The following DSCAM variants were observed in gnomAD, a reference collection of about 807,000 sequenced individuals.
The protein encoded by DSCAM is cell adhesion molecule DSCAM.
DSCAM carries 47 observed loss-of-function variants against 217.7 expected under a neutral mutation model. The observed-to-expected ratio is 0.22, with a 90% CI of 0.17 to 0.28. The LOEUF is 0.28. DSCAM is among the 10% of genes least tolerant of loss of function. DSCAM has a pLI of 1.00. For synonymous variants in DSCAM, 1,056 were observed against 1,015.3 expected (o/e 1.04, Z -0.76); for missense variants, 2,080 against 2,618.3 (o/e 0.79, Z 4.49).
chr21:40,293,447 C>T (rs1017502348), intron 10 of DSCAM, among the ~76,000 whole-genome samples: 2 of 152,140 alleles, frequency 1.3e-5, no homozygotes, highest in African/African-American at 4.8e-5. Flanking sequence ...ATGACTTAGC[C>T]AAGCCAACAA....
At chr21:40,754,205 T>A (rs1026764866) in intron 1 of DSCAM, among the ~76,000 whole-genome samples, 13 of 152,202 alleles carry the variant, frequency 8.5e-5, no homozygotes, top group African/African-American at 3.1e-4. Context: ...CCTGATTTTA[T>A]CAGCACCTGC....
intron 3 of DSCAM, among the ~76,000 whole-genome samples, chr21:40,396,081 G>A (rs1360241959): frequency 2.6e-5 from 4 of 152,150 alleles, no homozygotes; most frequent in Admixed American, 2.0e-4. Flanking sequence ...CTGAACCGCC[G>A]ACAGGGTTCC....
chr21:40,288,165 C>T (rs878862755), intron 10 of DSCAM, among the ~76,000 whole-genome samples: 3 of 152,102 alleles, frequency 2.0e-5, no homozygotes, highest in Admixed American at 6.5e-5. Flanking sequence ...GACCCCTTTC[C>T]GCCCAGAAAA....
chr21:40,338,156 G>A lies in DSCAM; in HGVS notation c.1728C>T (p.Asn576=), dbSNP rs139863593. The change falls in exon 8 of 33, where the codon AAC becomes AAT. Residue 576 remains asparagine (N), a synonymous_variant. Transcript: ENST00000400454. ...TGGAGAGTTGTGGTTGAACCAACAC[G>A]TTGCACGTGTACTCCCCCTCGTCCA... The part of the protein sequence containing the change: ...KEVDEGEYTC[N]VLVQPQLSTS... 9,708 of 1,614,238 alleles carry A rather than the reference G, an allele frequency of 6.0e-3. 49 individuals are homozygous for A. Among genetic ancestry groups the A allele is most frequent in the Non-Finnish European group, 7.2e-3 (8,523 of 1,180,042 alleles).
chr21:40,703,120 A>G (rs2090675320), intron 2 of DSCAM, among the ~76,000 whole-genome samples: 1 of 151,946 alleles, frequency 6.6e-6, no homozygotes, highest in Non-Finnish European at 1.5e-5. Context: ...ATCAGGTGTC[A>G]TTTTTTTCTT....
At chr21:40,600,422 C>T (rs909174639) in intron 3 of DSCAM, among the ~76,000 whole-genome samples, 33 of 152,174 alleles carry the variant, frequency 2.2e-4, no homozygotes, top group Admixed American at 1.8e-3. Flanking sequence ...GCACTAATCT[C>T]ATTCACGAGG....
intron 8 of DSCAM, among the ~76,000 whole-genome samples, chr21:40,323,901 T>C (rs113565558): frequency 9.9e-4 from 151 of 151,804 alleles, no homozygotes; most frequent in African/African-American, 3.4e-3. Context: ...GTCAGGAGTT[T>C]GAGGCCAGCC....
At chr21:40,528,687 C>T (rs530240957) in intron 3 of DSCAM, among the ~76,000 whole-genome samples, 21 of 152,146 alleles carry the variant, frequency 1.4e-4, no homozygotes, top group South Asian at 6.2e-4. Flanking sequence ...TGGCTTTATA[C>T]GTCCCTACTC....
chr21:40,373,680 C>T (rs2074921815), intron 3 of DSCAM, among the ~76,000 whole-genome samples: 1 of 152,196 alleles, frequency 6.6e-6, no homozygotes, highest in Admixed American at 6.5e-5. Flanking sequence ...TCTCAGCTAA[C>T]TTTTTCTTGT....
At chr21:40,694,328 G>T (rs901555634) in intron 2 of DSCAM, among the ~76,000 whole-genome samples, 3 of 152,070 alleles carry the variant, frequency 2.0e-5, no homozygotes, top group Non-Finnish European at 4.4e-5. Flanking sequence ...CTCACTTAAA[G>T]AATTAATCAC....
intron 3 of DSCAM, among the ~76,000 whole-genome samples, chr21:40,415,064 A>C (rs2075358073): frequency 6.6e-6 from 1 of 152,218 alleles, no homozygotes; most frequent in African/African-American, 2.4e-5. Context: ...AGGAAGAAAA[A>C]GCCTGAGAAA....
At chr21:40,508,497 T>C (rs377595403) in intron 3 of DSCAM, among the ~76,000 whole-genome samples, 72 of 152,128 alleles carry the variant, frequency 4.7e-4, no homozygotes, top group African/African-American at 1.7e-3. Flanking sequence ...ATTAAAAATG[T>C]TAACTAAACA....
chr21:40,481,353 G>C (rs1438632884), intron 3 of DSCAM, among the ~76,000 whole-genome samples: 1 of 151,932 alleles, frequency 6.6e-6, no homozygotes, highest in Non-Finnish European at 1.5e-5. Context: ...AGCCAGGCAT[G>C]GTGGCGGGTG....
At chr21:40,723,502 C>T (rs2090924167) in intron 1 of DSCAM, among the ~76,000 whole-genome samples, 1 of 152,140 alleles carries the variant, frequency 6.6e-6, no homozygotes, top group East Asian at 1.9e-4. Context: ...CATGTGCACC[C>T]CACTCCATTG....
intron 3 of DSCAM, among the ~76,000 whole-genome samples, chr21:40,443,579 A>T (rs1334722438): frequency 6.6e-6 from 1 of 152,238 alleles, no homozygotes; most frequent in Non-Finnish European, 1.5e-5. Context: ...CTAGGTTTAT[A>T]TCATCACTTG....
chr21:40,693,496 G>A (rs1476459166), intron 2 of DSCAM, among the ~76,000 whole-genome samples: 1 of 152,122 alleles, frequency 6.6e-6, no homozygotes, highest in East Asian at 1.9e-4. Context: ...GGTATCATGA[G>A]ATAGGAAATA....
At chr21:40,454,901 G>A (rs551311193) in intron 3 of DSCAM, among the ~76,000 whole-genome samples, 18 of 152,332 alleles carry the variant, frequency 1.2e-4, no homozygotes, top group African/African-American at 4.3e-4. Context: ...AAGAATGGGT[G>A]AGGCAGAGGT....
At chr21:40,498,074 C>T (rs2076133684) in intron 3 of DSCAM, among the ~76,000 whole-genome samples, 1 of 152,164 alleles carries the variant, frequency 6.6e-6, no homozygotes, top group Non-Finnish European at 1.5e-5. Flanking sequence ...CTGCACATGT[C>T]ATAACCTTTC....
chr21:40,191,012 C>T (rs2090947706), intron 11 of DSCAM, among the ~76,000 whole-genome samples: 2 of 152,024 alleles, frequency 1.3e-5, no homozygotes, highest in Non-Finnish European at 2.9e-5. Flanking sequence ...ATCTCATTTC[C>T]CCAATCACAG....
Sources: gnomAD v4.1 joint callset for allele counts (sites outside exome capture counted in the v4.1 genomes callset) on GRCh38, gnomAD v4.1.1 for gene constraint, MANE v1.5 for transcripts, NCBI Gene and HGNC (gene_info 2026-07-23, HGNC 2026-07-21) for gene names.